The following ARFGEF1 variants were observed in gnomAD, a reference collection of about 807,000 sequenced individuals.
ARFGEF1 encodes the protein brefeldin A-inhibited guanine nucleotide-exchange protein 1.
In ARFGEF1, 42 loss-of-function variants were observed where a neutral mutation model predicts 231.0. The observed-to-expected ratio is 0.18, with a 90% CI of 0.14 to 0.24. The LOEUF (loss-of-function observed/expected upper bound fraction) is 0.24, where lower values mean the gene tolerates loss of function less well. ARFGEF1 is among the 10% of genes least tolerant of loss of function. The probability of loss-of-function intolerance (pLI) is 1.00; values close to 1 mark genes in which losing one functional copy is unlikely to be tolerated. For missense variants in ARFGEF1, 1,345 were observed against 2,192.0 expected (o/e 0.61, Z 7.72); for synonymous variants, 710 against 732.3 (o/e 0.97, Z 0.49).
intron 23 of ARFGEF1, among the ~76,000 whole-genome samples, chr8:67,232,247 G>A (rs556184475): frequency 6.6e-6 from 1 of 152,066 alleles, no homozygotes; most frequent in African/African-American, 2.4e-5. Context: ...TCACTTTTGG[G>A]GGCATTTATC....
chr8:67,329,096 T>C (rs1387255126), intron 1 of ARFGEF1, among the ~76,000 whole-genome samples: 1 of 151,826 alleles, frequency 6.6e-6, no homozygotes, highest in South Asian at 2.1e-4. Context: ...CATGCTGGCA[T>C]GTGCCTGTAA....
intron 1 of ARFGEF1, among the ~76,000 whole-genome samples, chr8:67,338,118 C>T (rs770889874): frequency 5.9e-5 from 9 of 152,170 alleles, no homozygotes; most frequent in Non-Finnish European, 1.2e-4. Flanking sequence ...GAGTTACCTG[C>T]CCCTAGATGG....
intron 5 of ARFGEF1, among the ~76,000 whole-genome samples, chr8:67,185,518 G>A (rs1004684910): frequency 1.3e-5 from 2 of 152,154 alleles, no homozygotes; most frequent in African/African-American, 4.8e-5. Context: ...TTCCCTTGGG[G>A]GCTTTGAAAT....
intron 5 of ARFGEF1, among the ~76,000 whole-genome samples, chr8:67,191,690 T>C (rs566844496): frequency 6.6e-6 from 1 of 152,358 alleles, no homozygotes; most frequent in South Asian, 2.1e-4. Flanking sequence ...TGGGTTGTTT[T>C]CACTTTTTAG....
intron 1 of ARFGEF1, among the ~76,000 whole-genome samples, chr8:67,337,184 T>C (rs1180258997): frequency 1.3e-5 from 2 of 151,772 alleles, no homozygotes; most frequent in African/African-American, 2.4e-5. Flanking sequence ...TTTTGTGTTA[T>C]TCTCAGTAGA....
At chr8:67,210,638 A>G (rs114847792) in intron 34 of ARFGEF1, among the ~76,000 whole-genome samples, 2,466 of 152,244 alleles carry the variant, frequency 0.016, 71 homozygotes, top group African/African-American at 0.057. Context: ...GGGGTGGAGA[A>G]AGAAGACTCA....
At chr8:67,186,605 C>G (rs926354806) in intron 5 of ARFGEF1, among the ~76,000 whole-genome samples, 6 of 152,146 alleles carry the variant, frequency 3.9e-5, no homozygotes, top group African/African-American at 1.4e-4. Flanking sequence ...AAACTAGAAG[C>G]TTTCCTGCTA....
chr8:67,320,604 C>T (rs1301338436), intron 1 of ARFGEF1, among the ~76,000 whole-genome samples: 3 of 152,200 alleles, frequency 2.0e-5, no homozygotes, highest in Admixed American at 2.0e-4. Flanking sequence ...GGAAACAACT[C>T]AAATGCCCTT....
chr8:67,230,027 T>C (rs1429668287), intron 23 of ARFGEF1, among the ~76,000 whole-genome samples: 1 of 151,962 alleles, frequency 6.6e-6, no homozygotes, highest in African/African-American at 2.4e-5. Context: ...CTGTGGACTG[T>C]TGTGATGGTG....
At chr8:67,227,871 T>A (rs1000452309) in intron 25 of ARFGEF1, 92 bp downstream of exon 25, 1 of 1,102,130 alleles carries the variant, frequency 9.1e-7, no homozygotes, top group Non-Finnish European at 1.2e-6. Flanking sequence ...AAATAATTGC[T>A]TGGAAGGGAA....
At chr8:67,264,932 T>C (rs945723177) in intron 14 of ARFGEF1, among the ~76,000 whole-genome samples, 2 of 152,228 alleles carry the variant, frequency 1.3e-5, no homozygotes, top group Non-Finnish European at 2.9e-5. Context: ...AATGCCTTCA[T>C]GGTGCTTGGC....
chr8:67,184,923 T>C (rs574446011), intron 5 of ARFGEF1, among the ~76,000 whole-genome samples: 28 of 117,604 alleles, frequency 2.4e-4, no homozygotes, highest in Non-Finnish European at 3.7e-4. Flanking sequence ...CACGGTGAAA[T>C]CATGTCTCTA....
intron 29 of ARFGEF1, among the ~76,000 whole-genome samples, 165 bp from the exon 30 acceptor site, chr8:67,219,725 G>A (rs1839081878): frequency 6.6e-6 from 1 of 152,078 alleles, no homozygotes; most frequent in South Asian, 2.1e-4. Context: ...AGAACAACAG[G>A]TTCCTTTAGG....
At position 67,291,902 on chromosome 8, in the gene ARFGEF1, A is replaced by G. The variant is rs527981069; in HGVS notation, c.861T>C (p.Asp287=). The G allele has an allele frequency of 3.1e-6, 5 of 1,613,980 alleles. No homozygotes were observed. Among genetic ancestry groups the G allele is most frequent in the Non-Finnish European group, 4.2e-6 (5 of 1,179,876 alleles). ...TCTGTTCATTTTCTGCACTGGAAATATCAGATCCATTTTCAGGCTCTGTGT... is the reference window on the plus strand; with the variant it reads ...TCTGTTCATTTTCTGCACTGGAAATGTCAGATCCATTTTCAGGCTCTGTGT... ...QDDTEPENGS[D]ISSAENEQTE... is the part of the protein sequence containing the mutation. The change falls in exon 6 of 39, where the codon GAT becomes GAC. Residue 287 remains aspartate, a synonymous_variant. Coordinates refer to ENST00000262215, the MANE Select transcript of ARFGEF1 (RefSeq NM_006421.5).
At chr8:67,234,376 G>A (rs1425859002) in intron 22 of ARFGEF1, among the ~76,000 whole-genome samples, 1 of 152,102 alleles carries the variant, frequency 6.6e-6, no homozygotes, top group African/African-American at 2.4e-5. Context: ...TTTCAATAGG[G>A]ACAAGAACAG....
chr8:67,318,853 G>C (rs1807448158), intron 1 of ARFGEF1, among the ~76,000 whole-genome samples: 1 of 152,148 alleles, frequency 6.6e-6, no homozygotes, highest in Non-Finnish European at 1.5e-5. Flanking sequence ...CATGCATGTA[G>C]TCCCAGCTAC....
At chr8:67,339,779 G>A (rs1207625241) in intron 1 of ARFGEF1, among the ~76,000 whole-genome samples, 1 of 79,796 alleles carries the variant, frequency 1.3e-5, no homozygotes, top group Non-Finnish European at 2.7e-5. Flanking sequence ...AGTTGTAACA[G>A]TGTAACAGTG....
At position 67,257,817 on chromosome 8, in the gene ARFGEF1, C is replaced by A; in HGVS notation, c.2442-1G>T. On this transcript the variant is annotated splice_acceptor_variant, in intron 16 of 38. Transcript: ENST00000262215. LOFTEE classifies it high-confidence loss of function. ...ATCCGCACTAGCAAAGAGAGTTTGT[C>A]TGGAAAAATAAATGTATCATGTTAT... 6.3e-7 allele frequency: 1 copy of A among 1,599,212 alleles called. No homozygotes were observed. Among genetic ancestry groups the A allele is most frequent in the South Asian group, 1.1e-5 (1 of 87,470 alleles).
chr8:67,239,886 AG>A (rs889517007), intron 20 of ARFGEF1, among the ~76,000 whole-genome samples: 3 of 152,198 alleles, frequency 2.0e-5, no homozygotes, highest in African/African-American at 7.2e-5. Context: ...AAATTAACAT[AG>A]GAATTCAAAG....
Sources: allele counts gnomAD v4.1 joint callset (sites outside exome capture counted in the v4.1 genomes callset), GRCh38; gene constraint gnomAD v4.1.1; transcripts MANE v1.5; gene names NCBI Gene and HGNC (gene_info 2026-07-23, HGNC 2026-07-21).